COBL: variants seen among roughly 807,000 people sequenced by gnomAD.
COBL encodes cordon-bleu WH2 repeat protein.
COBL carries 51 observed loss-of-function variants against 98.8 expected under a neutral mutation model. That is an observed-to-expected ratio of 0.52 (90% confidence interval 0.41 to 0.65). The LOEUF is 0.65. Ranked by LOEUF, COBL falls within the 30% of genes least tolerant of loss-of-function variation. COBL has a pLI of 0.00. For missense variants in COBL, 1,617 were observed against 1,617.5 expected (o/e 1.00, Z 0.01); for synonymous variants, 634 against 651.7 (o/e 0.97, Z 0.41).
At chr7:51,220,027 G>A in intron 1 of COBL, 83 bp from the exon 2 acceptor site, 1 of 1,359,750 alleles carries the variant, frequency 7.4e-7, no homozygotes, top group Non-Finnish European at 1.0e-6. Context: ...CACATACTCA[G>A]GTCTGTCTTC....
At chr7:51,311,580 A>G (rs1205348631) in intron 1 of COBL, among the ~76,000 whole-genome samples, 1 of 152,226 alleles carries the variant, frequency 6.6e-6, no homozygotes, top group Non-Finnish European at 1.5e-5. Flanking sequence ...ACAGATGAAA[A>G]ATAAGGAATT....
At chr7:51,160,826 T>TA (rs1375783890) in intron 5 of COBL, among the ~76,000 whole-genome samples, 1 of 152,198 alleles carries the variant, frequency 6.6e-6, no homozygotes, top group Non-Finnish European at 1.5e-5. Flanking sequence ...GAAACTCTGT[T>TA]AGACTTGTAG....
chr7:51,026,808 G>T, intron 10 of COBL, 143 bp from the exon 11 acceptor site: 2 of 1,054,878 alleles, frequency 1.9e-6, no homozygotes, highest in Non-Finnish European at 2.7e-6. Context: ...TGTGGCACCA[G>T]AATTGTTTGA....
At chr7:51,087,720 C>T (rs1025909228) in intron 6 of COBL, among the ~76,000 whole-genome samples, 11 of 151,164 alleles carry the variant, frequency 7.3e-5, no homozygotes, top group African/African-American at 2.2e-4. Context: ...GTGATGCACC[C>T]GCCTCGGCCT....
chr7:51,026,706 G>C lies in COBL; in HGVS notation c.3385-41C>G, dbSNP rs1177765160. The C allele has an allele frequency of 3.8e-6, 6 of 1,599,790 alleles. No individual in the cohort carries two copies. In the African/African-American group the frequency reaches 8.0e-5, roughly 21 times the overall value. ...TGTCACACATTTCACTGAGAACATG[G>C]AGAAATGTGAACTGTAATGCAGCTC... On this transcript the variant is annotated intron_variant, in intron 10 of 12. Transcript: ENST00000265136.
intron 12 of COBL, among the ~76,000 whole-genome samples, chr7:51,022,089 A>G (rs1345258455): frequency 6.6e-6 from 1 of 152,066 alleles, no homozygotes; most frequent in African/African-American, 2.4e-5. Flanking sequence ...AAGTGTAGGA[A>G]GGCTCTGGGA....
chr7:51,108,915 T>G (rs13240335), intron 6 of COBL, among the ~76,000 whole-genome samples: 1 of 79,972 alleles, frequency 1.3e-5, no homozygotes, highest in Admixed American at 1.1e-4. Context: ...CACTGACACA[T>G]AGACACACAC....
chr7:51,055,631 G>C (rs919243580), intron 7 of COBL, among the ~76,000 whole-genome samples: 17 of 152,316 alleles, frequency 1.1e-4, no homozygotes, highest in African/African-American at 4.1e-4. Flanking sequence ...AGTGGGGCTG[G>C]GGTGGGCCCA....
intron 6 of COBL, 37 bp from the exon 7 acceptor site, chr7:51,085,341 C>T (rs1794122206): frequency 2.0e-6 from 1 of 496,610 alleles, no homozygotes; most frequent in Non-Finnish European, 2.7e-6. Context: ...AATCAAAGTA[C>T]TTTGTACCTA....
chr7:51,308,027 C>T (rs1307426888), intron 1 of COBL, among the ~76,000 whole-genome samples: 7 of 152,176 alleles, frequency 4.6e-5, no homozygotes, highest in African/African-American at 1.7e-4. Context: ...ACCAATTCTA[C>T]CTGGTAGCTA....
intron 1 of COBL, among the ~76,000 whole-genome samples, chr7:51,310,962 ATT>A (rs1440576045): frequency 7.0e-6 from 1 of 142,454 alleles, no homozygotes; most frequent in African/African-American, 2.6e-5. Context: ...GGCCGGTTGT[ATT>A]TTTTTTTTTT....
intron 11 of COBL, 113 bp downstream of exon 11, chr7:51,026,433 T>C: frequency 7.2e-7 from 1 of 1,389,586 alleles, no homozygotes; most frequent in Non-Finnish European, 9.7e-7. Context: ...AGACAGATGG[T>C]TCACCATCCA....
chr7:51,174,735 T>C (rs1345714809), intron 5 of COBL, among the ~76,000 whole-genome samples: 1 of 152,170 alleles, frequency 6.6e-6, no homozygotes, highest in Admixed American at 6.5e-5. Flanking sequence ...TGGAACAACT[T>C]TGTATCAGCC....
At chr7:51,020,747 T>C (rs1208130200) in intron 12 of COBL, among the ~76,000 whole-genome samples, 1 of 152,178 alleles carries the variant, frequency 6.6e-6, no homozygotes, top group Non-Finnish European at 1.5e-5. Context: ...CTGCAAATGC[T>C]CTTATTTGGA....
chr7:51,105,870 T>C (rs570724036), intron 6 of COBL, among the ~76,000 whole-genome samples: 1 of 150,502 alleles, frequency 6.6e-6, no homozygotes, highest in South Asian at 2.1e-4. Context: ...TCAGGAGGAG[T>C]GAAGGAAATG....
At chr7:51,168,237 C>CA (rs1187240331) in intron 5 of COBL, among the ~76,000 whole-genome samples, 3 of 152,046 alleles carry the variant, frequency 2.0e-5, no homozygotes, top group Admixed American at 6.6e-5. Context: ...ATAATCCTAT[C>CA]AAAAAATGGG....
At chr7:51,232,265 G>C (rs1258691853) in intron 1 of COBL, among the ~76,000 whole-genome samples, 1 of 152,036 alleles carries the variant, frequency 6.6e-6, no homozygotes, top group African/African-American at 2.4e-5. Flanking sequence ...CCCCAAAAAA[G>C]GAAGAAGAAA....
rs546928959 is a variant in COBL at position 51,026,171 on chromosome 7, C to T, written c.3504+375G>A. Among the ~76,000 whole-genome samples the T allele has an allele frequency of 9.8e-5, 15 of 152,356 alleles. No individual in the cohort carries two copies. In the South Asian group the frequency reaches 2.5e-3, roughly 25 times the overall value. ...GATGTGCAAAAACCAGCGCTATATT[C>T]ATGCAACAACTTTTTTCCAGGTGTG... On this transcript the variant is annotated intron_variant, in intron 11 of 12. Coordinates refer to ENST00000265136, the MANE Select transcript of COBL (RefSeq NM_015198.5).
intron 1 of COBL, among the ~76,000 whole-genome samples, chr7:51,298,706 T>A (rs2129199186): frequency 6.6e-6 from 1 of 152,294 alleles, no homozygotes; most frequent in Middle Eastern, 3.4e-3. Flanking sequence ...ATGGTGCAAA[T>A]GTGTAAATTT....
Sources: allele counts gnomAD v4.1 joint callset (sites outside exome capture counted in the v4.1 genomes callset), GRCh38; gene constraint gnomAD v4.1.1; transcripts MANE v1.5; gene names NCBI Gene and HGNC (gene_info 2026-07-23, HGNC 2026-07-21).